The following MSL2 variants were observed in gnomAD, a reference collection of about 807,000 sequenced individuals.
MSL2 encodes E3 ubiquitin-protein ligase MSL2.
MSL2 carries 2 observed loss-of-function variants against 35.8 expected under a neutral mutation model. That is an observed-to-expected ratio of 0.06 (90% CI 0.02 to 0.18). The LOEUF (loss-of-function observed/expected upper bound fraction) is 0.18, where lower values mean the gene tolerates loss of function less well. Ranked by LOEUF, MSL2 falls within the 10% of genes least tolerant of loss-of-function variation. The pLI is 1.00. For synonymous variants in MSL2, 296 were observed against 255.7 expected (o/e 1.16, Z -1.50); for missense variants, 523 against 706.7 (o/e 0.74, Z 2.95).
At chr3:136,153,927 G>A (rs1268476991) in intron 1 of MSL2, among the ~76,000 whole-genome samples, 3 of 149,498 alleles carry the variant, frequency 2.0e-5, no homozygotes, top group Non-Finnish European at 4.5e-5. Context: ...TACTAAAAAC[G>A]CAAAAATTAG....
At chr3:136,190,287 C>T (rs1940650911) in intron 1 of MSL2, among the ~76,000 whole-genome samples, 1 of 152,116 alleles carries the variant, frequency 6.6e-6, no homozygotes, top group Non-Finnish European at 1.5e-5. Flanking sequence ...AGAAATAGTA[C>T]AGCTACCGGG....
chr3:136,154,738 T>C (rs1391804572), intron 1 of MSL2, among the ~76,000 whole-genome samples: 2 of 152,176 alleles, frequency 1.3e-5, no homozygotes, highest in Non-Finnish European at 2.9e-5. Context: ...GTGGGAAATC[T>C]ATAGCTCTGA....
At chr3:136,191,392 C>G (rs1940686005) in intron 1 of MSL2, among the ~76,000 whole-genome samples, 1 of 150,936 alleles carries the variant, frequency 6.6e-6, no homozygotes, top group South Asian at 2.1e-4. Context: ...CACTTGAACC[C>G]AGGAGGTAGA....
chr3:136,188,789 A>AC lies in MSL2; in HGVS notation c.142+6182dup, dbSNP rs541316886. 1.4e-3 allele frequency among the ~76,000 whole-genome samples: 206 copies of AC among 150,216 alleles called. 3 individuals carry two copies. The highest frequency in any genetic ancestry group is 4.4e-3 in the African/African-American group (181 of 40,886). ...TCTCTTGGCCCAGCTCAAGCCCCAC[A>AC]CCTACCAGATCTTACCAGACTGAAA... On this transcript the variant is annotated intron_variant, in intron 1 of 1. Transcript: ENST00000309993.
Position 136,151,957 on chromosome 3 carries a change from G to A in MSL2, c.924C>T (p.Ser308=), listed in dbSNP as rs1032674045. The A allele has an allele frequency of 6.2e-7, 1 of 1,614,210 alleles. No individual in the cohort carries two copies. The highest frequency in any genetic ancestry group is 8.5e-7 in the Non-Finnish European group (1 of 1,180,036). The change falls in exon 2 of 2, where the codon TCC becomes TCT. Residue 308 remains serine (S), a synonymous_variant. Coordinates refer to ENST00000309993, the MANE Select transcript of MSL2 (RefSeq NM_018133.4). This position sits in a 1 kb window ranked among gnomAD's most constrained non-coding sequence, Gnocchi z 5.2. ...VSNGPFLQLS[S]QSLSHNVFMS... ...TAAAAACATTATGGCTAAGAGACTG[G>A]GAAGAAAGCTGCAGAAAAGGTCCAT...
intron 1 of MSL2, among the ~76,000 whole-genome samples, chr3:136,161,778 A>C (rs751769317): frequency 3.3e-5 from 5 of 152,170 alleles, no homozygotes; most frequent in Non-Finnish European, 5.9e-5. Flanking sequence ...GGTGATGGTT[A>C]CACAACTCTA....
At chr3:136,193,046 T>C (rs774968270) in intron 1 of MSL2, among the ~76,000 whole-genome samples, 2 of 152,178 alleles carry the variant, frequency 1.3e-5, no homozygotes, top group Non-Finnish European at 1.5e-5. Context: ...ATCTTTTCCA[T>C]AGGATGATGT....
intron 1 of MSL2, among the ~76,000 whole-genome samples, chr3:136,168,839 T>C (rs1939927814): frequency 6.6e-6 from 1 of 152,160 alleles, no homozygotes; most frequent in African/African-American, 2.4e-5. Context: ...CAGCAATTAC[T>C]GTTCAATGAG....
chr3:136,194,370 A>G, intron 1 of MSL2: 1 of 978,390 alleles, frequency 1.0e-6, no homozygotes, highest in Non-Finnish European at 1.2e-6. Context: ...CCACAAAATG[A>G]AAAAGTGGTA....
At chr3:136,181,811 C>T (rs908058258) in intron 1 of MSL2, among the ~76,000 whole-genome samples, 9 of 151,544 alleles carry the variant, frequency 5.9e-5, no homozygotes, top group South Asian at 2.1e-4. Flanking sequence ...CCCAGCTACT[C>T]GGGAGGCTGA....
chr3:136,158,822 T>C (rs187029126), intron 1 of MSL2, among the ~76,000 whole-genome samples: 4 of 152,294 alleles, frequency 2.6e-5, no homozygotes, highest in Admixed American at 2.0e-4. Flanking sequence ...TTCTATATGC[T>C]AGGAATGAAC....
intron 1 of MSL2, among the ~76,000 whole-genome samples, chr3:136,166,116 C>T (rs1046515159): frequency 2.0e-5 from 3 of 147,078 alleles, no homozygotes; most frequent in Non-Finnish European, 4.5e-5. Context: ...GGGCCAGGCA[C>T]GATGGCTCAC....
chr3:136,176,367 T>C (rs1308394349), intron 1 of MSL2, among the ~76,000 whole-genome samples: 1 of 150,122 alleles, frequency 6.7e-6, no homozygotes, highest in African/African-American at 2.5e-5. Flanking sequence ...TACAAAAAAT[T>C]AGCAGGACAT....
At chr3:136,188,811 G>A (rs1940596835) in intron 1 of MSL2, among the ~76,000 whole-genome samples, 1 of 150,408 alleles carries the variant, frequency 6.6e-6, no homozygotes. Context: ...TTACCAGACT[G>A]AAACAGTCTC....
intron 1 of MSL2, among the ~76,000 whole-genome samples, chr3:136,161,412 T>C (rs1468365550): frequency 3.9e-5 from 6 of 152,192 alleles, no homozygotes; most frequent in African/African-American, 1.4e-4. Flanking sequence ...GAAAAACGTA[T>C]GTGAATGTGC....
In MSL2 at chr3:136,194,253, A is replaced by G. The variant is rs114182523; in HGVS notation, c.142+719T>C. ...TTGAGATATTTTCCTTAGACAATTTAGCATATCTCTTCTATCTTAAAAATT... is the reference window on the plus strand; with the variant it reads ...TTGAGATATTTTCCTTAGACAATTTGGCATATCTCTTCTATCTTAAAAATT... On this transcript the variant is annotated intron_variant, in intron 1 of 1. Transcript: ENST00000309993. The G allele has an allele frequency of 4.8e-3, 967 of 200,690 alleles. 13 individuals are homozygous for G. The highest frequency in any genetic ancestry group is 0.022 in the African/African-American group (918 of 42,368). 12.4% of individuals were successfully genotyped at this position (200,690 alleles called of 1,614,324 possible). A position where few individuals can be genotyped will look rare whatever the true frequency, so the allele number is the denominator to read the frequency against.
intron 1 of MSL2, among the ~76,000 whole-genome samples, chr3:136,184,750 A>AGGGGGG (rs5852838): frequency 3.4e-4 from 25 of 74,614 alleles, no homozygotes; most frequent in African/African-American, 5.1e-4. Flanking sequence ...AAAAAAAAAA[A>AGGGGGG]GGGGGGGGGG....
At position 136,151,069 on chromosome 3, in the gene MSL2, G is replaced by A; in HGVS notation, c.*78C>T. ...GATCTATATGCAGGAGCTCCGGCAAGTTAAACCAACAGAACCATAGCTGCC... is the reference window on the plus strand; with the variant it reads ...GATCTATATGCAGGAGCTCCGGCAAATTAAACCAACAGAACCATAGCTGCC... On this transcript the variant is annotated 3_prime_UTR_variant, in exon 2 of 2. Transcript: ENST00000309993. This position sits in a 1 kb window ranked among gnomAD's most constrained non-coding sequence, Gnocchi z 5.2. 1 of 1,499,850 alleles carries A rather than the reference G, an allele frequency of 6.7e-7. No homozygotes were observed. The highest frequency in any genetic ancestry group is 1.4e-5 in the African/African-American group (1 of 72,084). 92.9% of individuals were successfully genotyped at this position (1,499,850 alleles called of 1,614,324 possible).
intron 1 of MSL2, among the ~76,000 whole-genome samples, chr3:136,168,283 C>T (rs1435591289): frequency 6.6e-6 from 1 of 151,986 alleles, no homozygotes; most frequent in Non-Finnish European, 1.5e-5. Flanking sequence ...ACTTCACTTG[C>T]TAAAATGGGA....
Sources: allele counts gnomAD v4.1 joint callset (sites outside exome capture counted in the v4.1 genomes callset), GRCh38; gene constraint gnomAD v4.1.1; non-coding constraint Gnocchi (gnomAD v3.1); transcripts MANE v1.5; gene names NCBI Gene and HGNC (gene_info 2026-07-23, HGNC 2026-07-21).